Variants in L3MBTL3 observed in about 807,000 individuals in gnomAD.
L3MBTL3 encodes L3MBTL histone methyl-lysine binding protein 3, also known as lethal(3)malignant brain tumor-like protein 3.
A neutral mutation model predicts 102.3 loss-of-function variants in L3MBTL3; 27 were observed. That is an observed-to-expected ratio of 0.26 (90% CI 0.19 to 0.36). The LOEUF is 0.36. Ranked by LOEUF, L3MBTL3 falls within the 10% of genes least tolerant of loss-of-function variation. The pLI is 1.00. For missense variants in L3MBTL3, 798 were observed against 955.3 expected (o/e 0.84, Z 2.17); for synonymous variants, 340 against 320.9 (o/e 1.06, Z -0.64).
chr6:130,076,647 G>GT (rs1260959900), intron 13 of L3MBTL3, among the ~76,000 whole-genome samples: 1 of 152,010 alleles, frequency 6.6e-6, no homozygotes, highest in Non-Finnish European at 1.5e-5. Context: ...AGCAATCAGT[G>GT]TTTTGTCATA....
At chr6:130,093,864 C>T (rs932333646) in intron 17 of L3MBTL3, among the ~76,000 whole-genome samples, 3 of 152,192 alleles carry the variant, frequency 2.0e-5, no homozygotes, top group African/African-American at 7.2e-5. Context: ...AACTGTCATT[C>T]TGGATTCTTC....
At chr6:130,136,625 C>CTT (rs5880001) in intron 22 of L3MBTL3, among the ~76,000 whole-genome samples, 3,191 of 149,524 alleles carry the variant, frequency 0.021, 116 homozygotes, top group African/African-American at 0.07. Context: ...CACAAATCAC[C>CTT]TTTTTTTTTT....
chr6:130,098,863 C>CTTTTTTTTTTTTTTTTTTTTTTTTTT (rs11332477), intron 18 of L3MBTL3, among the ~76,000 whole-genome samples: 1 of 118,524 alleles, frequency 8.4e-6, no homozygotes, highest in Non-Finnish European at 1.8e-5. Flanking sequence ...GTGTGTTTTT[C>CTTTTTTTTTTTTTTTTTTTTTTTTTT]TTTTTTTTTT....
chr6:130,071,815 GT>G (rs2115012005), intron 13 of L3MBTL3, among the ~76,000 whole-genome samples: 1 of 152,146 alleles, frequency 6.6e-6, no homozygotes, highest in South Asian at 2.1e-4. Context: ...AAGGAGGTTT[GT>G]TTTTTGACCT....
intron 12 of L3MBTL3, among the ~76,000 whole-genome samples, chr6:130,068,870 C>T (rs899737194): frequency 1.3e-5 from 2 of 152,136 alleles, no homozygotes; most frequent in Admixed American, 6.6e-5. Flanking sequence ...AAAACAAAAT[C>T]TGGATGTGCG....
Position 130,133,891 on chromosome 6 carries a change from G to C in L3MBTL3, c.2185G>C (p.Val729Leu), listed in dbSNP as rs969532309. 8.7e-6 allele frequency: 14 copies of C among 1,612,456 alleles called. No individual in the cohort carries two copies. The highest frequency in any genetic ancestry group is 1.2e-5 in the Non-Finnish European group (14 of 1,178,616). ...SLPGCEEHGK[V>L]FKDEQIDGEA... is the part of the protein sequence containing the mutation. ...ACCTGGGTGTGAAGAACATGGAAAG[G>C]TATTTAAAGATGAAGTAAGTATTCC... is the stretch of plus-strand genomic sequence containing the variant. The change falls in exon 22 of 23, where the codon GTA (valine) becomes CTA (leucine). Residue 729 changes from valine (V) to leucine (L), a missense_variant. Around this residue, in one of 4 missense-constraint regions of L3MBTL3, gnomAD observed 48 missense variants for 107.0 expected, o/e 0.45. Coordinates refer to ENST00000361794, the MANE Select transcript of L3MBTL3 (RefSeq NM_032438.4). The surrounding 1 kb of genome is among the most constrained non-coding windows in gnomAD (Gnocchi z 4.9).
At chr6:130,092,351 C>A (rs1265923316) in intron 16 of L3MBTL3, among the ~76,000 whole-genome samples, 1 of 151,936 alleles carries the variant, frequency 6.6e-6, no homozygotes, top group Non-Finnish European at 1.5e-5. Context: ...CTCTACCCTC[C>A]CCTCTCATCT....
intron 2 of L3MBTL3, among the ~76,000 whole-genome samples, chr6:130,041,955 TA>T (rs1780447267): frequency 6.6e-6 from 1 of 152,232 alleles, no homozygotes; most frequent in Admixed American, 6.5e-5. Context: ...AAAATACACA[TA>T]TTTCTAAAGA....
At chr6:130,040,331 CA>C (rs200580576) in intron 2 of L3MBTL3, among the ~76,000 whole-genome samples, 2,733 of 100,436 alleles carry the variant, frequency 0.027, 56 homozygotes, top group East Asian at 0.15. Context: ...AACTCTGTCT[CA>C]AAAAAAAAAA....
chr6:130,113,857 T>TG (rs1424243503), intron 19 of L3MBTL3, among the ~76,000 whole-genome samples: 7 of 149,178 alleles, frequency 4.7e-5, no homozygotes, highest in Non-Finnish European at 1.0e-4. Flanking sequence ...GCTAAAAGCA[T>TG]ATATAAATCT....
intron 1 of L3MBTL3, among the ~76,000 whole-genome samples, chr6:130,019,889 G>C (rs1778835746): frequency 7.1e-6 from 1 of 141,272 alleles, no homozygotes; most frequent in Admixed American, 7.0e-5. Flanking sequence ...GGGCCGGGCC[G>C]GGAGCCCGCG....
rs534303116 is a variant in L3MBTL3, at chr6:130,086,778, G to T, written c.1518+528G>T. 7.2e-5 allele frequency among the ~76,000 whole-genome samples: 11 copies of T among 152,300 alleles called. 1 individual carries two copies. In the South Asian group the frequency reaches 2.3e-3, roughly 32 times the overall value. On this transcript the variant is annotated intron_variant, in intron 16 of 22. Coordinates refer to ENST00000361794, the MANE Select transcript of L3MBTL3 (RefSeq NM_032438.4). Reference sequence around the variant, plus strand: ...TTGTTATGTCCAGCCATGATAAAGTGAAGTGGAGTTCAGGAAAGGAGCCAG... The same window carrying T: ...TTGTTATGTCCAGCCATGATAAAGTTAAGTGGAGTTCAGGAAAGGAGCCAG...
intron 18 of L3MBTL3, 102 bp from the exon 19 acceptor site, chr6:130,104,324 T>G (rs1784862077): frequency 1.3e-6 from 1 of 779,012 alleles, no homozygotes; most frequent in South Asian, 3.5e-5. Flanking sequence ...CAGTTAAATT[T>G]TAGAATTTTA....
intron 8 of L3MBTL3, 57 bp downstream of exon 8, chr6:130,055,312 C>T: frequency 7.4e-7 from 1 of 1,355,946 alleles, no homozygotes; most frequent in Non-Finnish European, 1.0e-6. Flanking sequence ...AAATGGTTCA[C>T]ACAGGTGGAA....
In L3MBTL3 at chr6:130,049,215, C is replaced by T. The variant is rs1780925988; in HGVS notation, c.103-67C>T. On this transcript the variant is annotated intron_variant, in intron 3 of 22. Transcript: ENST00000361794. ...TTTGCTTGAAGACTATATGTGTCAGCCATTAAATAATTAATGACTTTCCTG... is the reference window on the plus strand; with the variant it reads ...TTTGCTTGAAGACTATATGTGTCAGTCATTAAATAATTAATGACTTTCCTG... The T allele has an allele frequency of 1.4e-5, 12 of 869,170 alleles. No homozygotes were observed. In the South Asian group the frequency reaches 1.8e-4, roughly 13 times the overall value. 53.8% of individuals were successfully genotyped at this position (869,170 alleles called of 1,614,324 possible).
At chr6:130,063,934 C>T (rs879024317) in intron 10 of L3MBTL3, among the ~76,000 whole-genome samples, 3 of 152,180 alleles carry the variant, frequency 2.0e-5, no homozygotes, top group Admixed American at 2.0e-4. Context: ...TGGGAACATG[C>T]ATGTTGAGTG....
intron 19 of L3MBTL3, among the ~76,000 whole-genome samples, chr6:130,107,536 TA>T (rs1354883452): frequency 6.6e-6 from 1 of 152,196 alleles, no homozygotes; most frequent in African/African-American, 2.4e-5. Context: ...AAAGTGTCTA[TA>T]AAAGTAAAAC....
At chr6:130,034,075 G>C (rs1279876828) in intron 2 of L3MBTL3, among the ~76,000 whole-genome samples, 1 of 152,110 alleles carries the variant, frequency 6.6e-6, no homozygotes, top group Non-Finnish European at 1.5e-5. Flanking sequence ...TCAGCCCCAG[G>C]CAGCCTCTTT....
chr6:130,023,745 C>A (rs1477533915), intron 2 of L3MBTL3, among the ~76,000 whole-genome samples: 1 of 152,136 alleles, frequency 6.6e-6, no homozygotes, highest in African/African-American at 2.4e-5. Flanking sequence ...CTTCGTCCAG[C>A]TTTATGAAGG....
Sources: gnomAD v4.1 joint callset for allele counts (sites outside exome capture counted in the v4.1 genomes callset) on GRCh38, gnomAD v4.1.1 for gene constraint, gnomAD v4.1.1 regional missense constraint, Gnocchi (gnomAD v3.1) non-coding constraint, MANE v1.5 for transcripts, NCBI Gene and HGNC (gene_info 2026-07-23, HGNC 2026-07-21) for gene names.